SIPA1L2: variants seen among roughly 807,000 people sequenced by gnomAD.
SIPA1L2 encodes signal-induced proliferation-associated 1-like protein 2.
In SIPA1L2, 56 loss-of-function variants were observed where a neutral mutation model predicts 163.9. The ratio of observed to expected loss-of-function variants is 0.34; its 90% CI spans 0.28 to 0.43. The LOEUF (loss-of-function observed/expected upper bound fraction) is 0.43, where lower values mean the gene tolerates loss of function less well. Among genes scored for constraint, SIPA1L2 ranks in the 20% least tolerant of loss-of-function variants. The pLI, the probability that SIPA1L2 is intolerant of heterozygous loss-of-function variation, is 1.00. For synonymous variants in SIPA1L2, 877 were observed against 865.7 expected, an observed-to-expected ratio of 1.01 and a Z score of -0.23; for missense variants, 1,974 against 2,193.5, an observed-to-expected ratio of 0.90 and a Z score of 2.00.
intron 19 of SIPA1L2, among the ~76,000 whole-genome samples, 194 bp from the exon 20 acceptor site, chr1:232,404,372 C>T (rs546336260): frequency 2.0e-5 from 3 of 152,126 alleles, no homozygotes; most frequent in South Asian, 4.2e-4. Flanking sequence ...TGGTTGGAAG[C>T]GGGGCTGTAG....
At chr1:232,583,253 T>C (rs962943316) in intron 1 of SIPA1L2, among the ~76,000 whole-genome samples, 9 of 152,088 alleles carry the variant, frequency 5.9e-5, no homozygotes, top group African/African-American at 2.2e-4. Context: ...AGAAAAGATA[T>C]AAGTTAGGAA....
intron 14 of SIPA1L2, among the ~76,000 whole-genome samples, chr1:232,440,579 C>A (rs1662830547): frequency 6.6e-6 from 1 of 152,182 alleles, no homozygotes; most frequent in Admixed American, 6.5e-5. Flanking sequence ...TGCTAAGGGA[C>A]AACTGCAAAG....
intron 19 of SIPA1L2, among the ~76,000 whole-genome samples, chr1:232,414,174 C>T (rs1020037496): frequency 1.3e-5 from 2 of 152,176 alleles, no homozygotes; most frequent in Non-Finnish European, 2.9e-5. Flanking sequence ...AAAGCAGTCT[C>T]GTTCCTTCCA....
chr1:232,466,412 C>A (rs780305438), intron 8 of SIPA1L2, among the ~76,000 whole-genome samples: 2 of 152,148 alleles, frequency 1.3e-5, no homozygotes, highest in African/African-American at 4.8e-5. Context: ...AAACCAATAA[C>A]GCTCCCCTAC....
rs1439870184 is a variant in SIPA1L2 at position 232,399,061 on chromosome 1, A to G, written c.*66T>C. On this transcript the variant is annotated 3_prime_UTR_variant, in exon 23 of 23. Coordinates refer to ENST00000674635, the MANE Select transcript of SIPA1L2 (RefSeq NM_020808.5). ...TTGGTTGAAAGCACACAGAAAAACCACATGTTTGTGACTTCAAAGGGACAA... is the reference window on the plus strand; with the variant it reads ...TTGGTTGAAAGCACACAGAAAAACCGCATGTTTGTGACTTCAAAGGGACAA... 12 of 1,604,050 alleles carry G rather than the reference A, an allele frequency of 7.5e-6. No individual in the cohort carries two copies. In the East Asian group the frequency reaches 2.2e-4, roughly 30 times the overall value.
chr1:232,522,317 G>A (rs1398636411), intron 2 of SIPA1L2, among the ~76,000 whole-genome samples: 3 of 152,140 alleles, frequency 2.0e-5, no homozygotes, highest in Admixed American at 6.5e-5. Flanking sequence ...ATGCTCCCAT[G>A]TGTTGACCTT....
intron 3 of SIPA1L2, among the ~76,000 whole-genome samples, chr1:232,508,957 T>C (rs1322758252): frequency 6.6e-6 from 1 of 152,162 alleles, no homozygotes; most frequent in Non-Finnish European, 1.5e-5. Context: ...CCGGGCGTGG[T>C]GGCACATGTC....
chr1:232,630,292 CA>C (rs1316632624), upstream of SIPA1L2, among the ~76,000 whole-genome samples: 1 of 151,854 alleles, frequency 6.6e-6, no homozygotes, highest in African/African-American at 2.4e-5. Context: ...GCTCCGGGCG[CA>C]GCCGGTGCGC....
At chr1:232,413,518 T>C (rs1487457925) in intron 19 of SIPA1L2, among the ~76,000 whole-genome samples, 1 of 152,178 alleles carries the variant, frequency 6.6e-6, no homozygotes, top group Non-Finnish European at 1.5e-5. Context: ...AGGTGATAAA[T>C]ATTGTTTGAA....
Position 232,514,288 on chromosome 1 carries a change from A to T in SIPA1L2, c.1052T>A (p.Val351Glu), listed in dbSNP as rs755711255. The change falls in exon 3 of 23, where the codon GTG becomes GAG. Residue 351 changes from valine to glutamate, a missense_variant. By Grantham distance (121) the Val-to-Glu change is moderately radical. Around this residue, in one of 3 missense-constraint regions of SIPA1L2, gnomAD observed 607 missense variants for 624.0 expected, o/e 0.97. Coordinates refer to ENST00000674635, the MANE Select transcript of SIPA1L2 (RefSeq NM_020808.5). ...INEAMATRAN[V>E]GKRKNITTGA... ...AGTGGTTATGTTTTTCCTTTTCCCC[A>T]CATTAGCCCTCGTAGCCATGGCTTC... 1 of 1,613,794 alleles carries T rather than the reference A, an allele frequency of 6.2e-7. No individual in the cohort carries two copies. The highest frequency in any genetic ancestry group is 8.5e-7 in the Non-Finnish European group (1 of 1,180,022).
intron 8 of SIPA1L2, among the ~76,000 whole-genome samples, chr1:232,467,169 G>A (rs542599490): frequency 5.3e-5 from 8 of 152,256 alleles, no homozygotes; most frequent in East Asian, 3.9e-4. Flanking sequence ...CACCTGTAGC[G>A]GCAAGACAGA....
At chr1:232,552,092 G>A (rs147818319) in intron 2 of SIPA1L2, among the ~76,000 whole-genome samples, 2,906 of 152,112 alleles carry the variant, frequency 0.019, 92 homozygotes, top group African/African-American at 0.065. Context: ...CACCCACCTC[G>A]GCCTCCCAAA....
At chr1:232,421,526 T>C (rs1371075318) in intron 18 of SIPA1L2, among the ~76,000 whole-genome samples, 1 of 152,086 alleles carries the variant, frequency 6.6e-6, no homozygotes, top group Non-Finnish European at 1.5e-5. Context: ...CTGAGGACAT[T>C]TGAAAAAAGA....
At position 232,465,992 on chromosome 1, in the gene SIPA1L2, T is replaced by C. The variant is rs188470242; in HGVS notation, c.2244-576A>G. ...ACCTTGATCTTAGACTTCCAGCCTC[T>C]AGAACTCTGAGAAAATAAAAGTCTG... is the stretch of plus-strand genomic sequence containing the variant. On this transcript the variant is annotated intron_variant, in intron 8 of 22. Transcript: ENST00000674635. This position sits in a 1 kb window ranked among gnomAD's most constrained non-coding sequence, Gnocchi z 4.1. Among the ~76,000 whole-genome samples the C allele has an allele frequency of 5.9e-3, 890 of 152,076 alleles. 8 individuals are homozygous for C. The highest frequency in any genetic ancestry group is 7.7e-3 in the Non-Finnish European group (524 of 68,010).
At chr1:232,546,201 T>C (rs970754623) in intron 2 of SIPA1L2, among the ~76,000 whole-genome samples, 1 of 152,232 alleles carries the variant, frequency 6.6e-6, no homozygotes, top group Non-Finnish European at 1.5e-5. Flanking sequence ...GCCAGCCAGT[T>C]ACACAGCATA....
chr1:232,527,826 G>A (rs1667786275), intron 2 of SIPA1L2, among the ~76,000 whole-genome samples: 3 of 144,664 alleles, frequency 2.1e-5, no homozygotes, highest in Middle Eastern at 3.8e-3. Flanking sequence ...CAAACTCCTG[G>A]ACTCAAGCGA....
chr1:232,467,258 A>G (rs1044024427), intron 8 of SIPA1L2, among the ~76,000 whole-genome samples: 33 of 152,212 alleles, frequency 2.2e-4, no homozygotes, highest in African/African-American at 7.5e-4. Context: ...CACCGAACTC[A>G]TCAATAGCAC....
intron 1 of SIPA1L2, among the ~76,000 whole-genome samples, chr1:232,586,422 G>A (rs1232295555): frequency 6.6e-6 from 1 of 152,092 alleles, no homozygotes; most frequent in Non-Finnish European, 1.5e-5. Flanking sequence ...ACTGCAAAGG[G>A]CAATTGAAGA....
intron 1 of SIPA1L2, among the ~76,000 whole-genome samples, chr1:232,577,947 T>A (rs886542849): frequency 6.6e-6 from 1 of 152,174 alleles, no homozygotes; most frequent in Admixed American, 6.5e-5. Flanking sequence ...GGTCAAATGC[T>A]ATGAAACAGC....
Sources: gnomAD v4.1 joint callset for allele counts (sites outside exome capture counted in the v4.1 genomes callset) on GRCh38, gnomAD v4.1.1 for gene constraint, gnomAD v4.1.1 regional missense constraint, Gnocchi (gnomAD v3.1) non-coding constraint, MANE v1.5 for transcripts, NCBI Gene and HGNC (gene_info 2026-07-23, HGNC 2026-07-21) for gene names.